Variants in PKIG observed in about 807,000 individuals in gnomAD.
The protein encoded by PKIG is cAMP-dependent protein kinase inhibitor gamma.
A neutral mutation model predicts 6.8 loss-of-function variants in PKIG; 1 was observed. The ratio of observed to expected loss-of-function variants is 0.15; its 90% CI spans 0.05 to 0.69. PKIG has a LOEUF of 0.69. PKIG is among the 30% of genes least tolerant of loss of function. PKIG has a pLI of 0.82. For missense variants in PKIG, 77 were observed against 104.0 expected (o/e 0.74, Z 1.13); for synonymous variants, 39 against 43.0 (o/e 0.91, Z 0.36).
intron 2 of PKIG, among the ~76,000 whole-genome samples, chr20:44,611,097 C>G (rs1457526100): frequency 6.6e-6 from 1 of 150,518 alleles, no homozygotes; most frequent in Non-Finnish European, 1.5e-5. Context: ...CTGTCTTGCC[C>G]AGGGTGGAGT....
chr20:44,590,790 G>A (rs1405188697), intron 2 of PKIG, among the ~76,000 whole-genome samples: 3 of 152,174 alleles, frequency 2.0e-5, no homozygotes, highest in African/African-American at 7.2e-5. Context: ...AGAGCTTGCC[G>A]AATCCACTGT....
chr20:44,556,606 G>GC (rs939365000), intron 1 of PKIG, among the ~76,000 whole-genome samples: 26 of 151,668 alleles, frequency 1.7e-4, no homozygotes, highest in African/African-American at 9.7e-5. Context: ...CAGGTGATCT[G>GC]CCCCCCTTGT....
intron 1 of PKIG, among the ~76,000 whole-genome samples, chr20:44,572,297 C>T (rs181557039): frequency 5.3e-5 from 8 of 152,188 alleles, no homozygotes; most frequent in East Asian, 3.9e-4. Flanking sequence ...TGAGCCACCA[C>T]GCCAGGTCAA....
chr20:44,559,003 G>A lies in PKIG; in HGVS notation c.-240-23582G>A, dbSNP rs879655236. Among the ~76,000 whole-genome samples, 3 of 152,232 alleles carry A rather than the reference G, an allele frequency of 2.0e-5. No individual in the cohort carries two copies. In the East Asian group the frequency reaches 5.8e-4, roughly 29 times the overall value. On this transcript the variant is annotated intron_variant, in intron 1 of 4. Transcript: ENST00000372887. ...ACTTATCACCTAAAGAATGACAGGG[G>A]GCTTTGGCTTTGAATGGCCCTCAGT... is the stretch of plus-strand genomic sequence containing the variant.
chr20:44,573,601 A>G (rs1464623695), intron 1 of PKIG, among the ~76,000 whole-genome samples: 1 of 152,222 alleles, frequency 6.6e-6, no homozygotes, highest in Non-Finnish European at 1.5e-5. Flanking sequence ...GAAGTAGGGT[A>G]ATGGAAGGAG....
chr20:44,545,809 A>T (rs8116369), intron 1 of PKIG, among the ~76,000 whole-genome samples: 2,760 of 152,184 alleles, frequency 0.018, 86 homozygotes, highest in African/African-American at 0.063. Flanking sequence ...ACAGAGTAAG[A>T]CCCTGTCTCC....
At chr20:44,577,026 A>G (rs2064904492) in intron 1 of PKIG, among the ~76,000 whole-genome samples, 1 of 152,144 alleles carries the variant, frequency 6.6e-6, no homozygotes, top group African/African-American at 2.4e-5. Context: ...ACGTTGAGCA[A>G]TGTCTTAGTC....
intron 1 of PKIG, among the ~76,000 whole-genome samples, chr20:44,572,485 G>A (rs751707594): frequency 6.6e-6 from 1 of 151,886 alleles, no homozygotes; most frequent in African/African-American, 2.4e-5. Flanking sequence ...TTAAAATGTG[G>A]TTTCTTTTTA....
chr20:44,597,631 A>G (rs1568828680), intron 2 of PKIG, among the ~76,000 whole-genome samples: 2 of 152,354 alleles, frequency 1.3e-5, no homozygotes, highest in Non-Finnish European at 2.9e-5. Flanking sequence ...CTGTGCTTCC[A>G]TGAAGGTCTC....
intron 2 of PKIG, among the ~76,000 whole-genome samples, chr20:44,603,644 G>A (rs942315326): frequency 5.9e-5 from 9 of 152,324 alleles, no homozygotes; most frequent in South Asian, 2.1e-4. Flanking sequence ...CTGAGCCTCC[G>A]TTTCCGCAGC....
At chr20:44,567,208 AACT>A (rs971953973) in intron 1 of PKIG, among the ~76,000 whole-genome samples, 9 of 152,210 alleles carry the variant, frequency 5.9e-5, no homozygotes, top group Non-Finnish European at 1.0e-4. Context: ...AAAGCCATCT[AACT>A]ACACCATGAG....
chr20:44,598,621 TAG>T (rs1430135568), intron 2 of PKIG: 1 of 152,216 alleles, frequency 6.6e-6, no homozygotes, highest in East Asian at 1.9e-4. Flanking sequence ...CACAGTAAGA[TAG>T]AGACTGCCAC....
At chr20:44,533,961 T>C (rs2064490321) in intron 1 of PKIG, among the ~76,000 whole-genome samples, 1 of 152,118 alleles carries the variant, frequency 6.6e-6, no homozygotes, top group Non-Finnish European at 1.5e-5. Context: ...GGTGAAATGG[T>C]TGGGGCGGAA....
chr20:44,613,104 C>G (rs1392072853), intron 2 of PKIG, among the ~76,000 whole-genome samples: 1 of 152,250 alleles, frequency 6.6e-6, no homozygotes, highest in Non-Finnish European at 1.5e-5. Context: ...TCTCCTTTCT[C>G]TAGACTGTGT....
intron 2 of PKIG, among the ~76,000 whole-genome samples, chr20:44,596,729 A>G (rs2065078615): frequency 6.6e-6 from 1 of 152,200 alleles, no homozygotes; most frequent in South Asian, 2.1e-4. Context: ...GGCCGTGGAC[A>G]CACAGTGCAG....
intron 1 of PKIG, among the ~76,000 whole-genome samples, chr20:44,564,620 C>T (rs185409450): frequency 4.6e-5 from 7 of 152,054 alleles, no homozygotes; most frequent in Middle Eastern, 3.2e-3. Context: ...TTTTCCACAG[C>T]GAGAATCAGA....
chr20:44,591,060 T>C (rs569366019), intron 2 of PKIG, among the ~76,000 whole-genome samples: 10 of 152,284 alleles, frequency 6.6e-5, no homozygotes, highest in Admixed American at 4.6e-4. Context: ...CTCAGGAAGC[T>C]TGTGGGTCTG....
At chr20:44,599,890 CTG>C (rs1453875827) in intron 2 of PKIG, among the ~76,000 whole-genome samples, 1 of 152,130 alleles carries the variant, frequency 6.6e-6, no homozygotes, top group South Asian at 2.1e-4. Context: ...AGCTGAGACT[CTG>C]AAGTCCTTGT....
Position 44,614,673 on chromosome 20 carries a change from T to C in PKIG, c.117T>C (p.Ala39=), listed in dbSNP as rs1049171843. The stretch of plus-strand genomic sequence containing the variant: ...AGGCTGTGAGCGTGAGGAAGCTGGC[T>C]GGAGACATGGGCGAGCTGGCACTCG... ...DSEAVSVRKL[A]GDMGELALEG... Residue 39 remains alanine, a synonymous_variant, in exon 3 of 4, where the codon GCT becomes GCC. Coordinates refer to ENST00000372886, the MANE Select transcript of PKIG (RefSeq NM_001281445.2). This position sits in a 1 kb window ranked among gnomAD's most constrained non-coding sequence, Gnocchi z 4.6. 6.2e-7 allele frequency: 1 copy of C among 1,613,956 alleles called. No individual in the cohort carries two copies. Among genetic ancestry groups the C allele is most frequent in the Non-Finnish European group, 8.5e-7 (1 of 1,180,016 alleles).
Sources: allele counts gnomAD v4.1 joint callset (sites outside exome capture counted in the v4.1 genomes callset), GRCh38; gene constraint gnomAD v4.1.1; non-coding constraint Gnocchi (gnomAD v3.1); transcripts MANE v1.5; gene names NCBI Gene and HGNC (gene_info 2026-07-23, HGNC 2026-07-21).